PROCA1: variants seen among roughly 807,000 people sequenced by gnomAD.
The protein encoded by PROCA1 is protein PROCA1.
PROCA1 carries 22 observed loss-of-function variants against 23.2 expected under a neutral mutation model. The observed-to-expected ratio is 0.95, with a 90% CI of 0.68 to 1.35. PROCA1 has a LOEUF of 1.35. Ranked by LOEUF, PROCA1 falls within the 40% of genes most tolerant of loss-of-function variation. The pLI, the probability that PROCA1 is intolerant of heterozygous loss-of-function variation, is 0.00. For missense variants in PROCA1, 469 were observed against 459.8 expected (o/e 1.02, Z -0.18); for synonymous variants, 182 against 179.2 (o/e 1.02, Z -0.12).
rs2032801216 is a variant in PROCA1, at chr17:28,711,819, C to T, written c.-159G>A. The stretch of plus-strand genomic sequence containing the variant: ...CTCATGCTGGCGCAGCCCCCGCCGG[C>T]CTCCCCAGCCCGGCTCCAGGCTGCG... On this transcript the variant is annotated 5_prime_UTR_variant, in exon 1 of 5. Transcript: ENST00000682792. The T allele has an allele frequency of 5.1e-6, 3 of 586,156 alleles. No individual in the cohort carries two copies. Among genetic ancestry groups the T allele is most frequent in the Non-Finnish European group, 5.7e-6 (2 of 349,144 alleles). The allele number at this position is 586,156 out of a possible 1,614,324, so 36.3% of individuals were successfully genotyped here.
At chr17:28,711,540 T>C in intron 1 of PROCA1, 30 bp downstream of exon 1, 1 of 1,571,412 alleles carries the variant, frequency 6.4e-7, no homozygotes, top group Non-Finnish European at 8.6e-7. Flanking sequence ...GGCCGCGCCC[T>C]CTGCCCAGCC....
rs1395874896 is a variant in PROCA1, at chr17:28,711,454, C to CCTCTCTCGTTGGTTTGCCCGT, written c.91+95_91+115dup. On this transcript the variant is annotated intron_variant, in intron 1 of 4. Coordinates refer to ENST00000682792, the MANE Select transcript of PROCA1 (RefSeq NM_001366301.1). ...CGCCCCGGCCCAGCACTGGGCCCCG[C>CCTCTCTCGTTGGTTTGCCCGT]CTCTCTCGTTGGTTTGCCCGTCTCC... 1.1e-4 allele frequency: 97 copies of CCTCTCTCGTTGGTTTGCCCGT among 860,476 alleles called. No individual in the cohort carries two copies. The South Asian group carries it at 1.5e-3, about 14-fold the overall frequency. The allele number at this position is 860,476 out of a possible 1,614,324, so 53.3% of individuals were successfully genotyped here.
Position 28,711,616 on chromosome 17 carries a change from T to C in PROCA1, c.45A>G (p.Glu15=). ...ACGAGCGGGCCTTGGGCTCGGTCTT[T>C]TCCTTAGTCCATCTTTCAATTGTGA... The part of the protein sequence containing the change: ...TTLTIERWTK[E]KTEPKARSWD... The change falls in exon 1 of 5, where the codon GAA becomes GAG. Residue 15 remains glutamate, a synonymous_variant. Transcript: ENST00000682792. 3 of 1,612,474 alleles carry C rather than the reference T, an allele frequency of 1.9e-6. No homozygotes were observed. Among genetic ancestry groups the C allele is most frequent in the Non-Finnish European group, 2.5e-6 (3 of 1,179,516 alleles).
chr17:28,709,058 C>T (rs1282682949), intron 1 of PROCA1, among the ~76,000 whole-genome samples: 1 of 152,202 alleles, frequency 6.6e-6, no homozygotes, highest in Admixed American at 6.5e-5. Context: ...GATGAGAACA[C>T]AGAAACTCAG....
At chr17:28,710,551 C>T (rs2032732339) in intron 1 of PROCA1, among the ~76,000 whole-genome samples, 1 of 151,020 alleles carries the variant, frequency 6.6e-6, no homozygotes, top group African/African-American at 2.4e-5. Flanking sequence ...GGGTCAGAGC[C>T]TGTTTACTCT....
rs534085432 is a variant in PROCA1, at chr17:28,707,115, G to T, written c.92-352C>A. Reference sequence around the variant, plus strand: ...AAGGAGCATCACTAGAGTTAGTGATGAATAGGAGCCAGCCAGGGTCTAGGC... The same window carrying T: ...AAGGAGCATCACTAGAGTTAGTGATTAATAGGAGCCAGCCAGGGTCTAGGC... On this transcript the variant is annotated intron_variant, in intron 1 of 4. Transcript: ENST00000682792. 6 of 268,750 alleles carry T rather than the reference G, an allele frequency of 2.2e-5. 1 individual carries two copies. The highest frequency in any genetic ancestry group is 7.8e-5 in the South Asian group (2 of 25,538). 16.6% of individuals were successfully genotyped at this position (268,750 alleles called of 1,614,324 possible). A position where few individuals can be genotyped will look rare whatever the true frequency, so the allele number is the denominator to read the frequency against.
Position 28,703,676 on chromosome 17 carries a change from G to A in PROCA1, c.977C>T (p.Ser326Leu), listed in dbSNP as rs774223943. Residue 326 changes from serine (S) to leucine (L), a missense_variant, in exon 5 of 5, where the codon TCA becomes TTA. Coordinates refer to ENST00000682792, the MANE Select transcript of PROCA1 (RefSeq NM_001366301.1). ...TGTGTTCTCTCTCTTCCTGGGCGAT[G>A]ATGATTCCACAATATCCTCGCTGGA... ...ELSSEDIVESSSPRKRENTVQ... is the reference protein window; with the variant it reads ...ELSSEDIVESLSPRKRENTVQ... The A allele has an allele frequency of 6.2e-7, 1 of 1,614,208 alleles. No individual in the cohort carries two copies. The highest frequency in any genetic ancestry group is 2.2e-5 in the East Asian group (1 of 44,876).
At chr17:28,711,486 G>C in intron 1 of PROCA1, 84 bp downstream of exon 1, 2 of 1,181,624 alleles carry the variant, frequency 1.7e-6, no homozygotes, top group East Asian at 5.3e-5. Context: ...CTCCCTCGTC[G>C]GTTTGCCGGC....
chr17:28,706,769 A>C lies in PROCA1; in HGVS notation c.92-6T>G. 7.7e-7 allele frequency: 1 copy of C among 1,303,510 alleles called. No homozygotes were observed. Among genetic ancestry groups the C allele is most frequent in the South Asian group, 1.2e-5 (1 of 80,998 alleles). 80.7% of individuals were successfully genotyped at this position (1,303,510 alleles called of 1,614,324 possible). On this transcript the variant is annotated splice_polypyrimidine_tract_variant and splice_region_variant and intron_variant, in intron 1 of 4. Coordinates refer to ENST00000682792, the MANE Select transcript of PROCA1 (RefSeq NM_001366301.1). ...GCTGGGTAACCTGTTTACATCTGAGAGAGCATAGAGTGGCAGTGGTGGCAG... is the reference window on the plus strand; with the variant it reads ...GCTGGGTAACCTGTTTACATCTGAGCGAGCATAGAGTGGCAGTGGTGGCAG...
Position 28,703,879 on chromosome 17 carries a change from T to G in PROCA1, c.774A>C (p.Lys258Asn), listed in dbSNP as rs151135532. Residue 258 changes from lysine (K) to asparagine (N), a missense_variant, in exon 5 of 5, where the codon AAA (lysine) becomes AAC (asparagine). Transcript: ENST00000682792. ...EMDEKAKLKK[K>N]AKKGQLTKKK... is the part of the protein sequence containing the mutation. ...TCTTAGTCAACTGGCCTTTCTTGGC[T>G]TTTTTCTTCAGCTTTGCCTTCTCAT... 6.4e-5 allele frequency: 104 copies of G among 1,614,028 alleles called. No individual in the cohort carries two copies. The highest frequency in any genetic ancestry group is 8.2e-5 in the Non-Finnish European group (97 of 1,180,040).
In PROCA1 at chr17:28,703,586, G is replaced by A. The variant is rs764989691; in HGVS notation, c.1067C>T (p.Pro356Leu). 1.9e-6 allele frequency: 3 copies of A among 1,614,148 alleles called. No homozygotes were observed. The highest frequency in any genetic ancestry group is 2.2e-5 in the East Asian group (1 of 44,872). ...ACTGAGGTTGGGGTTTGATCCTGGG[G>A]GAGATTTTCTCTTGTTTACCTTCCT... is the stretch of plus-strand genomic sequence containing the variant. ...QARKVNKRKS[P>L]PGSNPNLS is the part of the protein sequence containing the mutation. Residue 356 changes from proline to leucine, a missense_variant, in exon 5 of 5, where the codon CCC becomes CTC. By Grantham distance (98) the Pro-to-Leu change is moderately conservative. Coordinates refer to ENST00000682792, the MANE Select transcript of PROCA1 (RefSeq NM_001366301.1).
chr17:28,704,990 C>T (rs1172424573), intron 2 of PROCA1, 147 bp from the exon 3 acceptor site: 3 of 706,500 alleles, frequency 4.2e-6, no homozygotes, highest in Non-Finnish European at 7.0e-6. Context: ...GTAACTTGGC[C>T]GCAGAGTAAC....
Position 28,711,856 on chromosome 17 carries a change from G to A in PROCA1, c.-196C>T, listed in dbSNP as rs2032802879. 6 of 514,928 alleles carry A rather than the reference G, an allele frequency of 1.2e-5. No individual in the cohort carries two copies. The East Asian group carries it at 1.7e-4, about 15-fold the overall frequency. 31.9% of individuals were successfully genotyped at this position (514,928 alleles called of 1,614,324 possible). ...GGCTCCAGGCTGCGTAGTCTTCCCA[G>A]CTGGGTCTCAGCGTCAGCCGCGTTC... On this transcript the variant is annotated 5_prime_UTR_variant, in exon 1 of 5. Coordinates refer to ENST00000682792, the MANE Select transcript of PROCA1 (RefSeq NM_001366301.1).
At chr17:28,708,037 T>C (rs569008053) in intron 1 of PROCA1, among the ~76,000 whole-genome samples, 8 of 152,314 alleles carry the variant, frequency 5.3e-5, no homozygotes, top group African/African-American at 1.9e-4. Context: ...TGAGATTGAG[T>C]CTCGCTCTGT....
rs2032279750 is a variant in PROCA1, at chr17:28,703,971, G to A, written c.682C>T (p.Gln228Ter). The A allele has an allele frequency of 6.2e-7, 1 of 1,610,502 alleles. No homozygotes were observed. Among genetic ancestry groups the A allele is most frequent in the Non-Finnish European group, 8.5e-7 (1 of 1,178,544 alleles). Residue 228 changes from glutamine (Q) to a stop codon, truncating the protein, a stop_gained, in exon 5 of 5, where the codon CAG (glutamine) becomes TAG (stop). Coordinates refer to ENST00000682792, the MANE Select transcript of PROCA1 (RefSeq NM_001366301.1). LOFTEE classifies it high-confidence loss of function. ...ACCTTCTTGATCACCTTGCTGCCCT[G>A]ACCCTTCCCTGTGGGGCTCTCAGAG... ...WRSESPTGKGQGSKVIKKVKK... is the reference protein window; with the variant it reads ...WRSESPTGKG
Position 28,703,257 on chromosome 17 carries a change from G to A in PROCA1, c.*301C>T. 2 of 398,976 alleles carry A rather than the reference G, an allele frequency of 5.0e-6. No homozygotes were observed. The highest frequency in any genetic ancestry group is 9.0e-6 in the Non-Finnish European group (2 of 221,790). The allele number at this position is 398,976 out of a possible 1,614,324, so 24.7% of individuals were successfully genotyped here. ...GCAGACAGTACTGCCTGTCCCAGAA[G>A]TGGATTTCACACAGACCAGTCTCTC... is the stretch of plus-strand genomic sequence containing the variant. On this transcript the variant is annotated 3_prime_UTR_variant, in exon 5 of 5. Transcript: ENST00000682792.
Position 28,703,656 on chromosome 17 carries a change from T to G in PROCA1, c.997A>C (p.Asn333His), listed in dbSNP as rs755100786. The change falls in exon 5 of 5, where the codon AAC (asparagine) becomes CAC (histidine). Residue 333 changes from asparagine (N) to histidine (H), a missense_variant. Coordinates refer to ENST00000682792, the MANE Select transcript of PROCA1 (RefSeq NM_001366301.1). ...VESSSPRKRE[N>H]TVQAKKTGAK... Reference sequence around the variant, plus strand: ...CCTGTCTTTTTGGCCTGGACTGTGTTCTCTCTCTTCCTGGGCGATGATGAT... The same window carrying G: ...CCTGTCTTTTTGGCCTGGACTGTGTGCTCTCTCTTCCTGGGCGATGATGAT... 7.4e-6 allele frequency: 12 copies of G among 1,614,062 alleles called. No homozygotes were observed. In the Admixed American group the frequency reaches 1.7e-4, roughly 22 times the overall value.
At position 28,704,877 on chromosome 17, in the gene PROCA1, G is replaced by A. The variant is rs776948374; in HGVS notation, c.176-34C>T. ...GCAGGAGTCTGGGTCATCAGTAGCA[G>A]CCGCAGACCTCTGGGTCTTCCCACA... is the stretch of plus-strand genomic sequence containing the variant. On this transcript the variant is annotated intron_variant, in intron 2 of 4. Transcript: ENST00000682792. 3 of 1,604,702 alleles carry A rather than the reference G, an allele frequency of 1.9e-6. No homozygotes were observed. In the South Asian group the frequency reaches 3.3e-5, roughly 18 times the overall value.
chr17:28,709,317 G>A (rs2032670637), intron 1 of PROCA1, among the ~76,000 whole-genome samples: 3 of 151,516 alleles, frequency 2.0e-5, no homozygotes, highest in East Asian at 2.0e-4. Flanking sequence ...GTGCAGTGGC[G>A]GGATCTTGGC....
Sources: gnomAD v4.1 joint callset for allele counts (sites outside exome capture counted in the v4.1 genomes callset) on GRCh38, gnomAD v4.1.1 for gene constraint, MANE v1.5 for transcripts, NCBI Gene and HGNC (gene_info 2026-07-23, HGNC 2026-07-21) for gene names.